The following ATP12A variants were observed in gnomAD, a reference collection of about 807,000 sequenced individuals.
ATP12A encodes the protein ATPase H+/K+ transporting non-gastric alpha2 subunit, also known as potassium-transporting ATPase alpha chain 2.
In ATP12A, 81 loss-of-function variants were observed where a neutral mutation model predicts 111.2. The ratio of observed to expected loss-of-function variants is 0.73; its 90% CI spans 0.61 to 0.88. ATP12A has a LOEUF of 0.88. ATP12A is among the 40% of genes least tolerant of loss of function. ATP12A has a pLI of 0.00. For synonymous variants in ATP12A, 498 were observed against 499.8 expected, an observed-to-expected ratio of 1.00 and a Z score of 0.05; for missense variants, 1,196 against 1,313.1, an observed-to-expected ratio of 0.91 and a Z score of 1.38.
chr13:24,681,325 C>G (rs1874421927), intron 1 of ATP12A, among the ~76,000 whole-genome samples: 1 of 152,158 alleles, frequency 6.6e-6, no homozygotes, highest in South Asian at 2.1e-4. Context: ...CCCTGAGGAG[C>G]TGCTGGCTGG....
At chr13:24,711,045 C>A in intron 21 of ATP12A, 152 bp downstream of exon 21, 2 of 813,356 alleles carry the variant, frequency 2.5e-6, no homozygotes, top group Non-Finnish European at 1.9e-6. Context: ...AAGCTTTGAT[C>A]TGCATTTTCC....
Position 24,680,613 on chromosome 13 carries a change from C to A in ATP12A, c.-131C>A. On this transcript the variant is annotated 5_prime_UTR_variant, in exon 1 of 23. Coordinates refer to ENST00000381946, the MANE Select transcript of ATP12A (RefSeq NM_001676.7). ...GTGCGTGCAGGGCCCGCGCCGCCGCCGGTATCTCCACCGCCAACACCTCAG... is the reference window on the plus strand; with the variant it reads ...GTGCGTGCAGGGCCCGCGCCGCCGCAGGTATCTCCACCGCCAACACCTCAG... 3 of 1,105,746 alleles carry A rather than the reference C, an allele frequency of 2.7e-6. No individual in the cohort carries two copies. Among genetic ancestry groups the A allele is most frequent in the Non-Finnish European group, 3.8e-6 (3 of 798,556 alleles). 68.5% of individuals were successfully genotyped at this position (1,105,746 alleles called of 1,614,324 possible). A position where few individuals can be genotyped will look rare whatever the true frequency, so the allele number is the denominator to read the frequency against.
In ATP12A at chr13:24,689,355, T is replaced by C. The variant is rs1287984168; in HGVS notation, c.526T>C (p.Phe176Leu). 1.9e-6 allele frequency: 3 copies of C among 1,614,028 alleles called. No homozygotes were observed. In the South Asian group the frequency reaches 3.3e-5, roughly 18 times the overall value. ...EAKSTNIMSS[F>L]NKMIPQQALV... is the part of the protein sequence containing the mutation. ...AAAAAGCACCAACATCATGTCCAGC[T>C]TCAATAAGATGATCCCTCAGGTGAG... The change falls in exon 5 of 23, where the codon TTC becomes CTC. Residue 176 changes from phenylalanine to leucine, a missense_variant. By Grantham distance (22) the Phe-to-Leu change is conservative. Coordinates refer to ENST00000381946, the MANE Select transcript of ATP12A (RefSeq NM_001676.7).
chr13:24,694,733 G>A (rs913365716), intron 11 of ATP12A, among the ~76,000 whole-genome samples, 155 bp downstream of exon 11: 3 of 152,100 alleles, frequency 2.0e-5, no homozygotes, highest in African/African-American at 4.8e-5. Flanking sequence ...CCTAGGTCAA[G>A]CTCCCTTGCT....
In ATP12A at chr13:24,712,324, C is replaced by T. The variant is rs1369775408; in HGVS notation, c.*802C>T. 1 of 152,216 alleles carries T rather than the reference C, an allele frequency of 6.6e-6. No individual in the cohort carries two copies. The highest frequency in any genetic ancestry group is 1.5e-5 in the Non-Finnish European group (1 of 68,040). 9.4% of individuals were successfully genotyped at this position (152,216 alleles called of 1,614,324 possible). On this transcript the variant is annotated 3_prime_UTR_variant, in exon 23 of 23. Coordinates refer to ENST00000381946, the MANE Select transcript of ATP12A (RefSeq NM_001676.7). ...ATGGTTTCAATAGTCATATTTATTT[C>T]TTGTAAAACAGTTGCCAGGTGCTCT...
In ATP12A at chr13:24,700,763, C is replaced by T. The variant is rs771334448; in HGVS notation, c.1722C>T (p.Tyr574=). ...GERVLGFCHL[Y]LPADEFPETY... ...GTATTACAGGTTTCTGTCATCTCTA[C>T]CTGCCAGCAGACGAGTTTCCAGAAA... Residue 574 remains tyrosine (Y), a synonymous_variant, in exon 13 of 23, where the codon TAC becomes TAT. Coordinates refer to ENST00000381946, the MANE Select transcript of ATP12A (RefSeq NM_001676.7). 16 of 1,613,738 alleles carry T rather than the reference C, an allele frequency of 9.9e-6. No individual in the cohort carries two copies. Among genetic ancestry groups the T allele is most frequent in the Non-Finnish European group, 1.4e-5 (16 of 1,179,818 alleles).
intron 1 of ATP12A, among the ~76,000 whole-genome samples, 189 bp downstream of exon 1, chr13:24,680,941 T>C (rs1343868450): frequency 6.6e-5 from 10 of 152,160 alleles, no homozygotes; most frequent in Admixed American, 2.0e-4. Context: ...CCGCCACGGC[T>C]CCGTGCGGCC....
chr13:24,710,652 T>C, intron 20 of ATP12A, 59 bp downstream of exon 20: 2 of 1,611,242 alleles, frequency 1.2e-6, no homozygotes, highest in Admixed American at 3.3e-5. Context: ...AGGATGATGA[T>C]GATTTGTTTT....
In ATP12A at chr13:24,680,426, C is replaced by T. The variant is rs572183998; in HGVS notation, c.-318C>T. On this transcript the variant is annotated 5_prime_UTR_variant, in exon 1 of 23. Coordinates refer to ENST00000381946, the MANE Select transcript of ATP12A (RefSeq NM_001676.7). The stretch of plus-strand genomic sequence containing the variant: ...GGGGGTCCTCAATCCTGGACTCTCC[C>T]GACCCCTAGCTGTCGGTCCCCCTCC... 946 of 387,390 alleles carry T rather than the reference C, an allele frequency of 2.4e-3. 8 individuals are homozygous for T. The highest frequency in any genetic ancestry group is 0.019 in the African/African-American group (879 of 46,610). 24.0% of individuals were successfully genotyped at this position (387,390 alleles called of 1,614,324 possible). A position where few individuals can be genotyped will look rare whatever the true frequency, so the allele number is the denominator to read the frequency against.
chr13:24,709,036 TG>T (rs137961383), intron 17 of ATP12A, among the ~76,000 whole-genome samples: 1,823 of 151,844 alleles, frequency 0.012, 26 homozygotes, highest in East Asian at 0.054. Context: ...AGTCTGGAGG[TG>T]GGGCGCAATG....
intron 12 of ATP12A, among the ~76,000 whole-genome samples, chr13:24,699,996 C>T (rs143286283): frequency 9.8e-5 from 15 of 152,316 alleles, no homozygotes; most frequent in East Asian, 1.9e-4. Flanking sequence ...TACACGGGAT[C>T]GATGCCCACT....
At chr13:24,689,496 G>A (rs549132911) in intron 5 of ATP12A, 121 bp downstream of exon 5, 68 of 812,538 alleles carry the variant, frequency 8.4e-5, no homozygotes, top group Middle Eastern at 3.7e-4. Flanking sequence ...CGGAGCAATC[G>A]TGGGCGAATT....
At chr13:24,696,743 A>AAAAAAAAAAAAG (rs1555254852) in intron 11 of ATP12A, among the ~76,000 whole-genome samples, 1 of 99,364 alleles carries the variant, frequency 1.0e-5, no homozygotes. Context: ...AAAAAAAAAA[A>AAAAAAAAAAAAG]AAAGAAAGGG....
chr13:24,705,847 T>C (rs1211345473), intron 14 of ATP12A, among the ~76,000 whole-genome samples: 1 of 152,066 alleles, frequency 6.6e-6, no homozygotes, highest in Admixed American at 6.6e-5. Flanking sequence ...TTTTTTAAAA[T>C]TTTTTGTAGA....
At chr13:24,706,493 A>G in intron 15 of ATP12A, 30 bp downstream of exon 15, 1 of 1,608,358 alleles carries the variant, frequency 6.2e-7, no homozygotes, top group South Asian at 1.1e-5. Flanking sequence ...CAGAGGACTG[A>G]CAGGCCCATC....
At chr13:24,695,702 G>C (rs1220438956) in intron 11 of ATP12A, among the ~76,000 whole-genome samples, 1 of 144,112 alleles carries the variant, frequency 6.9e-6, no homozygotes, top group Admixed American at 7.3e-5. Flanking sequence ...CCGCCTCCCA[G>C]GTATAAGCAA....
chr13:24,711,680 G>A lies in ATP12A; in HGVS notation c.*158G>A, dbSNP rs961983718. 5.3e-6 allele frequency: 5 copies of A among 947,294 alleles called. No homozygotes were observed. Among genetic ancestry groups the A allele is most frequent in the African/African-American group, 3.3e-5 (2 of 60,416 alleles). 58.7% of individuals were successfully genotyped at this position (947,294 alleles called of 1,614,324 possible). On this transcript the variant is annotated 3_prime_UTR_variant, in exon 23 of 23. Transcript: ENST00000381946. Reference sequence around the variant, plus strand: ...AGCTGTATGCAGGATGCTCACTGATGTTTTGCACTTTAAAACTGAAATTCA... The same window carrying A: ...AGCTGTATGCAGGATGCTCACTGATATTTTGCACTTTAAAACTGAAATTCA...
chr13:24,710,937 C>T (rs1875941401), intron 21 of ATP12A, 44 bp downstream of exon 21: 2 of 1,560,090 alleles, frequency 1.3e-6, no homozygotes, highest in Non-Finnish European at 1.8e-6. Context: ...CCAGCCTCTG[C>T]TTTGAGCTGT....
intron 3 of ATP12A, among the ~76,000 whole-genome samples, chr13:24,687,398 A>T (rs1242495723): frequency 6.6e-6 from 1 of 152,046 alleles, no homozygotes; most frequent in African/African-American, 2.4e-5. Flanking sequence ...CAGGAGGAGG[A>T]GGTTGCAGTG....
Sources: allele counts gnomAD v4.1 joint callset (sites outside exome capture counted in the v4.1 genomes callset), GRCh38; gene constraint gnomAD v4.1.1; transcripts MANE v1.5; gene names NCBI Gene and HGNC (gene_info 2026-07-23, HGNC 2026-07-21).